SLC35D1: variants seen among roughly 807,000 people sequenced by gnomAD.
SLC35D1 encodes the protein nucleotide sugar transporter SLC35D1.
Under a neutral mutation model 46.7 loss-of-function variants are expected in SLC35D1, and 31 were observed. The ratio of observed to expected loss-of-function variants is 0.66; its 90% CI spans 0.50 to 0.90. The LOEUF is 0.90. SLC35D1 is among the 40% of genes least tolerant of loss of function. The probability of loss-of-function intolerance (pLI) is 0.00; values close to 1 mark genes in which losing one functional copy is unlikely to be tolerated. For missense variants in SLC35D1, 397 were observed against 426.2 expected, an observed-to-expected ratio of 0.93 and a Z score of 0.60; for synonymous variants, 195 against 164.6, an observed-to-expected ratio of 1.18 and a Z score of -1.41.
the SLC35D1 span, among the ~76,000 whole-genome samples, chr1:66,983,574 C>G: frequency 6.6e-6 from 1 of 152,112 alleles, no homozygotes; most frequent in Non-Finnish European, 1.5e-5. Flanking sequence ...TTACTTTTCT[C>G]ACCTACTATA....
rs557223303 is a variant in SLC35D1, at chr1:67,043,676, A to G, written c.637-1348T>C. 3.3e-5 allele frequency among the ~76,000 whole-genome samples: 5 copies of G among 152,364 alleles called. No homozygotes were observed. In the South Asian group the frequency reaches 1.0e-3, roughly 32 times the overall value. On this transcript the variant is annotated intron_variant, in intron 7 of 11. Transcript: ENST00000235345. The stretch of plus-strand genomic sequence containing the variant: ...GTGAAGTATTTCCGAAAACGTGTAC[A>G]TGAAGTAAAATGAAGATTAAGATTA...
Position 67,002,889 on chromosome 1 carries a change from G to C in SLC35D1, c.*1451C>G, listed in dbSNP as rs1667370101. 6.6e-6 allele frequency: 1 copy of C among 152,260 alleles called. No homozygotes were observed. Among genetic ancestry groups the C allele is most frequent in the South Asian group, 2.1e-4 (1 of 4,828 alleles). 9.4% of individuals were successfully genotyped at this position (152,260 alleles called of 1,614,324 possible). ...AACACACTAATCCTCAAAGTCAATGGATATCTCTGAGTCAAGTCATAGGGT... is the reference window on the plus strand; with the variant it reads ...AACACACTAATCCTCAAAGTCAATGCATATCTCTGAGTCAAGTCATAGGGT... On this transcript the variant is annotated 3_prime_UTR_variant, in exon 12 of 12. Transcript: ENST00000235345.
At chr1:66,986,368 A>T in the SLC35D1 span, 1 of 1,599,582 alleles carries the variant, frequency 6.3e-7, no homozygotes, top group Non-Finnish European at 8.5e-7. Flanking sequence ...CCAAACTTTT[A>T]TAAAATATTA....
chr1:67,018,409 A>G (rs376588778), intron 10 of SLC35D1, among the ~76,000 whole-genome samples: 1 of 152,290 alleles, frequency 6.6e-6, no homozygotes, highest in East Asian at 1.9e-4. Context: ...AGAAGTTGGA[A>G]AACCTGTAGG....
chr1:66,986,549 T>G, the SLC35D1 span: 1 of 1,106,760 alleles, frequency 9.0e-7, no homozygotes, highest in East Asian at 2.4e-5. Flanking sequence ...GAAATTAGCA[T>G]TCAGGCCTTA....
At chr1:67,018,821 C>T (rs1667737432) in intron 10 of SLC35D1, among the ~76,000 whole-genome samples, 1 of 152,226 alleles carries the variant, frequency 6.6e-6, no homozygotes, top group African/African-American at 2.4e-5. Context: ...ACAGAAGCTG[C>T]ACTGTATCCT....
At position 67,011,316 on chromosome 1, in the gene SLC35D1, A is replaced by G. The variant is rs576417457; in HGVS notation, c.877-2149T>C. On this transcript the variant is annotated intron_variant, in intron 10 of 11. Coordinates refer to ENST00000235345, the MANE Select transcript of SLC35D1 (RefSeq NM_015139.3). ...CAGTTTTGATGCAGTAAGCAGGGTC[A>G]CCAAAGCTGTTCTGCTCTTTTGGAA... Among the ~76,000 whole-genome samples the G allele has an allele frequency of 9.9e-5, 15 of 152,266 alleles. No individual in the cohort carries two copies. In the South Asian group the frequency reaches 1.5e-3, roughly 15 times the overall value.
At chr1:66,984,525 T>G in the SLC35D1 span, 1 of 1,403,470 alleles carries the variant, frequency 7.1e-7, no homozygotes, top group South Asian at 1.4e-5. Context: ...GTTTGCAAAT[T>G]TAACTTTTTT....
At chr1:67,007,482 AAT>A (rs1558149369) in intron 11 of SLC35D1, among the ~76,000 whole-genome samples, 19 of 152,062 alleles carry the variant, frequency 1.2e-4, no homozygotes, top group Admixed American at 1.0e-3. Context: ...TAGAGCAAGG[AAT>A]GTAACATTAT....
chr1:67,029,575 G>A (rs1667977984), intron 8 of SLC35D1, among the ~76,000 whole-genome samples: 1 of 152,224 alleles, frequency 6.6e-6, no homozygotes, highest in African/African-American at 2.4e-5. Context: ...ACTTAGAAGT[G>A]CTAAGCACAA....
At chr1:67,021,724 G>GACACACACACACACACAC (rs35069681) in intron 8 of SLC35D1, 122 bp from the exon 9 acceptor site, 120 of 422,526 alleles carry the variant, frequency 2.8e-4, no homozygotes, top group Middle Eastern at 5.5e-4. Context: ...CACAGACACA[G>GACACACACACACACACAC]ACACACACAC....
Position 67,050,498 on chromosome 1 carries a change from T to C in SLC35D1, c.399A>G (p.Pro133=), listed in dbSNP as rs771575338. The C allele has an allele frequency of 2.5e-6, 4 of 1,604,562 alleles. No homozygotes were observed. The highest frequency in any genetic ancestry group is 3.4e-6 in the Non-Finnish European group (4 of 1,178,980). The change falls in exon 5 of 12, where the codon CCA becomes CCG. Residue 133 remains proline, a synonymous_variant. Coordinates refer to ENST00000235345, the MANE Select transcript of SLC35D1 (RefSeq NM_015139.3). ...AGAACCTTCTCAGAACTGTAAACAT[T>C]GGCAAGCTGGAAAAAAAAAAGATAA... ...GLFSTKKLNL[P]MFTVLRRFSI...
At chr1:67,010,835 C>T (rs1667551666) in intron 10 of SLC35D1, among the ~76,000 whole-genome samples, 1 of 152,134 alleles carries the variant, frequency 6.6e-6, no homozygotes, top group East Asian at 1.9e-4. Context: ...ATTAAGATAG[C>T]TGTCAGAAAG....
At chr1:67,052,650 T>A (rs1645321897) in intron 3 of SLC35D1, 121 bp downstream of exon 3, 4 of 903,470 alleles carry the variant, frequency 4.4e-6, no homozygotes, top group Admixed American at 2.0e-5. Flanking sequence ...ACATTCATTA[T>A]AACCACTCTA....
intron 8 of SLC35D1, among the ~76,000 whole-genome samples, chr1:67,040,347 C>A (rs546535023): frequency 1.3e-5 from 2 of 152,096 alleles, no homozygotes; most frequent in African/African-American, 4.8e-5. Flanking sequence ...ATGTCAAATT[C>A]TTGTGTCTAG....
At chr1:66,985,560 A>G in the SLC35D1 span, 1 of 985,320 alleles carries the variant, frequency 1.0e-6, no homozygotes, top group Non-Finnish European at 1.2e-6. Flanking sequence ...GTATTTTTCC[A>G]GATTCTTTGT....
chr1:67,044,346 A>C (rs1281996267), intron 7 of SLC35D1, among the ~76,000 whole-genome samples: 1 of 152,100 alleles, frequency 6.6e-6, no homozygotes, highest in Non-Finnish European at 1.5e-5. Context: ...AAAAAAAAAA[A>C]AACCCCGAAG....
chr1:67,021,407 T>C (rs1667795091), intron 9 of SLC35D1, 128 bp downstream of exon 9: 1 of 963,550 alleles, frequency 1.0e-6, no homozygotes, highest in African/African-American at 1.6e-5. Context: ...ACCACCTGAA[T>C]CTGGAGGCTT....
intron 8 of SLC35D1, among the ~76,000 whole-genome samples, chr1:67,028,579 T>C (rs1290434462): frequency 2.0e-5 from 3 of 152,246 alleles, no homozygotes; most frequent in African/African-American, 7.2e-5. Context: ...CATTTTATCA[T>C]TATGAAATGT....
Sources: gnomAD v4.1 joint callset for allele counts (sites outside exome capture counted in the v4.1 genomes callset) on GRCh38, gnomAD v4.1.1 for gene constraint, MANE v1.5 for transcripts, NCBI Gene and HGNC (gene_info 2026-07-23, HGNC 2026-07-21) for gene names.